Variants in MTMR12 observed in about 807,000 individuals in gnomAD.
MTMR12 encodes myotubularin related protein 12.
In MTMR12, 33 loss-of-function variants were observed where a neutral mutation model predicts 96.7. The ratio of observed to expected loss-of-function variants is 0.34; its 90% CI spans 0.26 to 0.46. MTMR12 has a LOEUF of 0.46. Among genes scored for constraint, MTMR12 ranks in the 20% least tolerant of loss-of-function variants. The pLI is 1.00. For synonymous variants in MTMR12, 298 were observed against 327.2 expected, an observed-to-expected ratio of 0.91 and a Z score of 0.96; for missense variants, 721 against 896.1, an observed-to-expected ratio of 0.80 and a Z score of 2.49.
At chr5:32,259,511 T>C (rs1312998919) in intron 7 of MTMR12, among the ~76,000 whole-genome samples, 1 of 152,212 alleles carries the variant, frequency 6.6e-6, no homozygotes. Flanking sequence ...CTCCTATTTA[T>C]TGAGCTCCTC....
chr5:32,246,582 G>T (rs1194093225), intron 10 of MTMR12, among the ~76,000 whole-genome samples: 3 of 152,182 alleles, frequency 2.0e-5, no homozygotes, highest in African/African-American at 7.2e-5. Flanking sequence ...GCAGAAACAA[G>T]ATTAATTTTT....
chr5:32,275,818 A>G (rs1042484565), intron 2 of MTMR12, among the ~76,000 whole-genome samples: 3 of 152,254 alleles, frequency 2.0e-5, no homozygotes, highest in Non-Finnish European at 4.4e-5. Context: ...TCACTATAGA[A>G]AAAAAGCCTT....
intron 1 of MTMR12, among the ~76,000 whole-genome samples, chr5:32,282,780 G>C (rs535076573): frequency 9.2e-5 from 14 of 152,336 alleles, no homozygotes; most frequent in African/African-American, 3.4e-4. Flanking sequence ...TGGGTGGGTA[G>C]GAAGGACGGA....
At chr5:32,281,886 C>T (rs1387325668) in intron 1 of MTMR12, among the ~76,000 whole-genome samples, 3 of 141,810 alleles carry the variant, frequency 2.1e-5, no homozygotes, top group Non-Finnish European at 4.5e-5. Flanking sequence ...GGAGACAGTG[C>T]GAGACTCCGT....
At chr5:32,271,976 A>T (rs939483895) in intron 3 of MTMR12, 71 bp from the exon 4 acceptor site, 1 of 917,378 alleles carries the variant, frequency 1.1e-6, no homozygotes. Flanking sequence ...AGAGTAAATC[A>T]CCATTCTCTA....
At chr5:32,288,760 T>C (rs1750640330) in intron 1 of MTMR12, among the ~76,000 whole-genome samples, 1 of 152,162 alleles carries the variant, frequency 6.6e-6, no homozygotes, top group Non-Finnish European at 1.5e-5. Flanking sequence ...AGCTGAAATA[T>C]GGATTAAAAG....
intron 14 of MTMR12, among the ~76,000 whole-genome samples, chr5:32,234,551 C>G (rs1038414124): frequency 6.6e-6 from 1 of 152,186 alleles, no homozygotes; most frequent in African/African-American, 2.4e-5. Context: ...AAATGGACAG[C>G]TTTGAATTTT....
chr5:32,289,672 G>C (rs890521761), intron 1 of MTMR12, among the ~76,000 whole-genome samples: 1 of 152,126 alleles, frequency 6.6e-6, no homozygotes, highest in Non-Finnish European at 1.5e-5. Context: ...ACTTACAGTG[G>C]GTCCAGTGGG....
intron 6 of MTMR12, among the ~76,000 whole-genome samples, chr5:32,264,673 C>T (rs902923339): frequency 2.0e-5 from 3 of 152,016 alleles, no homozygotes; most frequent in Admixed American, 6.6e-5. Flanking sequence ...TTTGGCCAGG[C>T]TGGTCTTGAA....
chr5:32,306,857 C>T (rs755150589), intron 1 of MTMR12, among the ~76,000 whole-genome samples: 36 of 152,144 alleles, frequency 2.4e-4, no homozygotes, highest in Non-Finnish European at 2.1e-4. Context: ...TGCCCGTTAA[C>T]TATTATTAGT....
At chr5:32,311,542 G>C (rs911413212) in intron 1 of MTMR12, among the ~76,000 whole-genome samples, 1 of 152,210 alleles carries the variant, frequency 6.6e-6, no homozygotes, top group Non-Finnish European at 1.5e-5. Flanking sequence ...GAAGACATCT[G>C]CAACAAATTT....
chr5:32,270,071 G>A (rs1255874537), intron 5 of MTMR12, among the ~76,000 whole-genome samples: 1 of 152,170 alleles, frequency 6.6e-6, no homozygotes, highest in Non-Finnish European at 1.5e-5. Context: ...CAGTATACAT[G>A]AACAGGCCTC....
chr5:32,230,896 G>A (rs1240338006), intron 15 of MTMR12, among the ~76,000 whole-genome samples: 1 of 152,230 alleles, frequency 6.6e-6, no homozygotes, highest in Non-Finnish European at 1.5e-5. Flanking sequence ...AGTTTAAGCC[G>A]AAGTCATAAA....
At chr5:32,249,033 CA>C (rs1373001483) in intron 8 of MTMR12, among the ~76,000 whole-genome samples, 155 bp from the exon 9 acceptor site, 4 of 152,198 alleles carry the variant, frequency 2.6e-5, no homozygotes, top group Non-Finnish European at 5.9e-5. Flanking sequence ...TATTTAGTCA[CA>C]ATGAAAAAGA....
intron 1 of MTMR12, among the ~76,000 whole-genome samples, chr5:32,281,515 T>C (rs1033447989): frequency 2.0e-5 from 3 of 152,180 alleles, no homozygotes; most frequent in Admixed American, 2.0e-4. Context: ...ACACCATGAT[T>C]TATGTCTGGT....
chr5:32,265,386 G>A (rs1335138939), intron 6 of MTMR12, among the ~76,000 whole-genome samples: 2 of 152,192 alleles, frequency 1.3e-5, no homozygotes, highest in Non-Finnish European at 2.9e-5. Context: ...TAAGGGTTTT[G>A]GCATGCTAAT....
At position 32,274,061 on chromosome 5, in the gene MTMR12, C is replaced by G. The variant is rs1223869118; in HGVS notation, c.204G>C (p.Gln68His). 1 of 1,614,084 alleles carries G rather than the reference C, an allele frequency of 6.2e-7. No homozygotes were observed. Among genetic ancestry groups the G allele is most frequent in the Non-Finnish European group, 8.5e-7 (1 of 1,180,046 alleles). Residue 68 changes from glutamine to histidine, a missense_variant, in exon 3 of 16, where the codon CAG (glutamine) becomes CAC (histidine). Gln to His is a conservative substitution (Grantham distance 24). Transcript: ENST00000382142. ...AGACAAGCCTCCCATAGACCCCATG[C>G]TGACAGGAATCTTCCTGGACATACT... is the stretch of plus-strand genomic sequence containing the variant. ...VLKYVQEDSC[Q>H]HGVYGRLVCT...
chr5:32,242,099 T>C lies in MTMR12; in HGVS notation c.1129A>G (p.Thr377Ala). ...RRCLKKAIEITECMEAQNMNV... is the reference protein window; with the variant it reads ...RRCLKKAIEIAECMEAQNMNV... ...ATGTTTTGTGCTTCCATACATTCTG[T>C]AATCTCTATTGCTTTTTTCAGGCAA... The change falls in exon 12 of 16, where the codon ACA (threonine) becomes GCA (alanine). Residue 377 changes from threonine to alanine, a missense_variant. Physicochemically the swap from Thr to Ala is moderately conservative, Grantham distance 58 (BLOSUM62 0). Transcript: ENST00000382142. 1 of 1,613,056 alleles carries C rather than the reference T, an allele frequency of 6.2e-7. No individual in the cohort carries two copies. Among genetic ancestry groups the C allele is most frequent in the Non-Finnish European group, 8.5e-7 (1 of 1,179,340 alleles).
At chr5:32,259,294 A>T (rs1749266723) in intron 7 of MTMR12, among the ~76,000 whole-genome samples, 1 of 152,176 alleles carries the variant, frequency 6.6e-6, no homozygotes, top group Non-Finnish European at 1.5e-5. Flanking sequence ...TACACACTCC[A>T]CAGGGCCACA....
Sources: allele counts gnomAD v4.1 joint callset (sites outside exome capture counted in the v4.1 genomes callset), GRCh38; gene constraint gnomAD v4.1.1; transcripts MANE v1.5; gene names NCBI Gene and HGNC (gene_info 2026-07-23, HGNC 2026-07-21).